GPR158: variants seen among roughly 807,000 people sequenced by gnomAD.
The protein encoded by GPR158 is metabotropic glycine receptor.
In GPR158, 30 loss-of-function variants were observed where a neutral mutation model predicts 78.2. The ratio of observed to expected loss-of-function variants is 0.38; its 90% confidence interval spans 0.29 to 0.52. The LOEUF (loss-of-function observed/expected upper bound fraction) is 0.52, where lower values mean the gene tolerates loss of function less well. Among genes scored for constraint, GPR158 ranks in the 20% least tolerant of loss-of-function variants. The probability of loss-of-function intolerance (pLI) is 0.83; values close to 1 mark genes in which losing one functional copy is unlikely to be tolerated. For missense variants in GPR158, 1,463 were observed against 1,523.5 expected, an observed-to-expected ratio of 0.96 and a Z score of 0.66; for synonymous variants, 581 against 591.1, an observed-to-expected ratio of 0.98 and a Z score of 0.25.
intron 2 of GPR158, among the ~76,000 whole-genome samples, chr10:25,322,897 A>T (rs1854972589): frequency 6.6e-6 from 1 of 152,030 alleles, no homozygotes; most frequent in Non-Finnish European, 1.5e-5. Flanking sequence ...CCCAGGCTAG[A>T]GTGCAGTGGT....
chr10:25,205,658 T>A (rs1358237482), intron 1 of GPR158, among the ~76,000 whole-genome samples: 1 of 152,196 alleles, frequency 6.6e-6, no homozygotes, highest in Non-Finnish European at 1.5e-5. Flanking sequence ...TCTTGATGTC[T>A]GCCCTAATGT....
intron 2 of GPR158, among the ~76,000 whole-genome samples, chr10:25,359,446 C>T (rs1588822817): frequency 6.6e-6 from 1 of 152,022 alleles, no homozygotes; most frequent in Admixed American, 6.6e-5. Flanking sequence ...ATATGATGTT[C>T]CCCTCCCTGT....
chr10:25,382,767 A>G lies in GPR158; in HGVS notation c.1009-13144A>G, dbSNP rs781334516. 5.9e-5 allele frequency among the ~76,000 whole-genome samples: 9 copies of G among 152,154 alleles called. 1 individual carries two copies. The highest frequency in any genetic ancestry group is 1.3e-4 in the Non-Finnish European group (9 of 68,016). ...GTTAATATAATTGACCTGTTTTAGT[A>G]CAAAGTCTCCCCAAACCCACTCCCA... On this transcript the variant is annotated intron_variant, in intron 2 of 10. Transcript: ENST00000376351.
chr10:25,343,612 A>T (rs1855333193), intron 2 of GPR158, among the ~76,000 whole-genome samples: 1 of 152,018 alleles, frequency 6.6e-6, no homozygotes. Context: ...GGGCACATAA[A>T]GATAATCTAA....
intron 2 of GPR158, among the ~76,000 whole-genome samples, chr10:25,328,849 C>T (rs1327652788): frequency 7.0e-6 from 1 of 143,206 alleles, no homozygotes; most frequent in African/African-American, 2.7e-5. Flanking sequence ...ATTGATTGAA[C>T]TCGGGAGGCG....
intron 5 of GPR158, among the ~76,000 whole-genome samples, chr10:25,480,504 C>T (rs1835651894): frequency 6.6e-6 from 1 of 151,938 alleles, no homozygotes. Context: ...ATTCCCTCTT[C>T]CCCCAGCCTT....
intron 5 of GPR158, among the ~76,000 whole-genome samples, chr10:25,539,293 T>A (rs150650961): frequency 1.3e-5 from 2 of 152,128 alleles, no homozygotes; most frequent in South Asian, 4.1e-4. Context: ...AAGCTATGGG[T>A]CTCAGAGTTA....
intron 2 of GPR158, among the ~76,000 whole-genome samples, chr10:25,385,826 G>T (rs992593100): frequency 1.5e-4 from 23 of 152,064 alleles, no homozygotes; most frequent in Non-Finnish European, 1.3e-4. Context: ...TCATTGTGTT[G>T]CAGGAGTTCT....
chr10:25,482,414 C>G (rs980266586), intron 5 of GPR158, among the ~76,000 whole-genome samples: 1 of 152,058 alleles, frequency 6.6e-6, no homozygotes, highest in Non-Finnish European at 1.5e-5. Context: ...AACCCCTGGC[C>G]TTATGTAATC....
intron 2 of GPR158, among the ~76,000 whole-genome samples, chr10:25,353,543 A>AC (rs1211363859): frequency 3.3e-5 from 5 of 152,028 alleles, no homozygotes; most frequent in African/African-American, 1.2e-4. Flanking sequence ...AGAGCTCTGA[A>AC]CGTCTACCTC....
chr10:25,449,237 A>G (rs1479562816), intron 4 of GPR158, among the ~76,000 whole-genome samples: 1 of 152,206 alleles, frequency 6.6e-6, no homozygotes, highest in East Asian at 1.9e-4. Flanking sequence ...CTGCCAGATC[A>G]TGATAATGAT....
At chr10:25,343,203 A>G (rs489052) in intron 2 of GPR158, among the ~76,000 whole-genome samples, 99,385 of 151,758 alleles carry the variant, frequency 0.65, 34,652 homozygotes, top group Non-Finnish European at 0.8. Context: ...TAGAATTTCC[A>G]AAATTTAATG....
chr10:25,219,463 T>C (rs536795597), intron 1 of GPR158, among the ~76,000 whole-genome samples: 14 of 152,232 alleles, frequency 9.2e-5, no homozygotes, highest in Non-Finnish European at 1.9e-4. Context: ...AACAGTAATA[T>C]TTTGCAGAAT....
At chr10:25,515,961 G>A (rs962296786) in intron 5 of GPR158, among the ~76,000 whole-genome samples, 16 of 151,504 alleles carry the variant, frequency 1.1e-4, no homozygotes, top group African/African-American at 1.7e-4. Flanking sequence ...TTCCACAATG[G>A]TTGAACTAGT....
intron 5 of GPR158, among the ~76,000 whole-genome samples, chr10:25,543,445 G>A (rs1483560797): frequency 6.6e-6 from 1 of 152,092 alleles, no homozygotes; most frequent in Non-Finnish European, 1.5e-5. Context: ...AAAACTCGAT[G>A]CCTTGAGTAT....
chr10:25,267,176 C>A (rs1045269133), intron 2 of GPR158, among the ~76,000 whole-genome samples: 1 of 152,084 alleles, frequency 6.6e-6, no homozygotes, highest in Non-Finnish European at 1.5e-5. Flanking sequence ...TTAGTCCATT[C>A]TCATGCTGCT....
At chr10:25,232,866 T>C (rs948541909) in intron 2 of GPR158, among the ~76,000 whole-genome samples, 1 of 152,216 alleles carries the variant, frequency 6.6e-6, no homozygotes, top group African/African-American at 2.4e-5. Context: ...CACAAGATTT[T>C]TGTATTTTAA....
At chr10:25,285,736 C>A (rs569543961) in intron 2 of GPR158, among the ~76,000 whole-genome samples, 1 of 152,238 alleles carries the variant, frequency 6.6e-6, no homozygotes, top group South Asian at 2.1e-4. Context: ...TTCACAGACA[C>A]CTCAGAAGTA....
At chr10:25,348,423 A>G (rs1588814779) in intron 2 of GPR158, among the ~76,000 whole-genome samples, 1 of 151,310 alleles carries the variant, frequency 6.6e-6, no homozygotes, top group Admixed American at 6.6e-5. Flanking sequence ...ACACACACAC[A>G]CACACACACA....
Sources: allele counts gnomAD v4.1 joint callset (sites outside exome capture counted in the v4.1 genomes callset), GRCh38; gene constraint gnomAD v4.1.1; transcripts MANE v1.5; gene names NCBI Gene and HGNC (gene_info 2026-07-23, HGNC 2026-07-21).